The following ANKRD55 variants were observed in gnomAD, a reference collection of about 807,000 sequenced individuals.
ANKRD55 encodes ankyrin repeat domain 55.
Under a neutral mutation model 60.6 loss-of-function variants are expected in ANKRD55, and 41 were observed. That is an observed-to-expected ratio of 0.68 (90% CI 0.53 to 0.88). The LOEUF is 0.88. Among genes scored for constraint, ANKRD55 ranks in the 40% least tolerant of loss-of-function variants. The pLI, the probability that ANKRD55 is intolerant of heterozygous loss-of-function variation, is 0.00. For synonymous variants in ANKRD55, 264 were observed against 290.3 expected (o/e 0.91, Z 0.92); for missense variants, 732 against 767.6 (o/e 0.95, Z 0.55).
intron 2 of ANKRD55, among the ~76,000 whole-genome samples, chr5:56,200,535 G>T (rs576151089): frequency 3.2e-4 from 48 of 152,212 alleles, no homozygotes; most frequent in African/African-American, 1.1e-3. Context: ...TTAGATTAGA[G>T]GACCTTCCTT....
At chr5:56,134,953 A>C (rs1008006906) in intron 7 of ANKRD55, among the ~76,000 whole-genome samples, 2 of 152,226 alleles carry the variant, frequency 1.3e-5, no homozygotes, top group Admixed American at 1.3e-4. Context: ...ACATTTTCAA[A>C]TCAATTAATG....
chr5:56,187,077 C>A (rs954824078), intron 2 of ANKRD55, among the ~76,000 whole-genome samples: 1 of 152,192 alleles, frequency 6.6e-6, no homozygotes, highest in Non-Finnish European at 1.5e-5. Flanking sequence ...ACAATGAATG[C>A]ATTGCCTGAT....
chr5:56,121,479 TCTC>T (rs1274866795), intron 8 of ANKRD55, among the ~76,000 whole-genome samples: 2 of 151,240 alleles, frequency 1.3e-5, no homozygotes, highest in Admixed American at 6.6e-5. Context: ...TTCAAGCGAT[TCTC>T]CTGCCTCAGC....
In ANKRD55 at chr5:56,143,806, C is replaced by G; in HGVS notation, c.607G>C (p.Val203Leu). The change falls in exon 7 of 12, where the codon GTC becomes CTC. Residue 203 changes from valine to leucine, a missense_variant. This residue lies in a region of ANKRD55 where 597 missense variants were observed against 607.5 expected (regional missense o/e 0.98). Coordinates refer to ENST00000341048, the MANE Select transcript of ANKRD55 (RefSeq NM_024669.3). ...KDFKTALHWAVQSGNRILCSI... is the reference protein window; with the variant it reads ...KDFKTALHWALQSGNRILCSI... ...TCCACAGGTCAATTTCTCACCTGGA[C>G]TGCCCAGTGGAGAGCGGTTTTAAAG... is the stretch of plus-strand genomic sequence containing the variant. 6.2e-7 allele frequency: 1 copy of G among 1,614,162 alleles called. No homozygotes were observed. The highest frequency in any genetic ancestry group is 8.5e-7 in the Non-Finnish European group (1 of 1,180,006).
At chr5:56,173,580 CTCTATATATATATA>C (rs1266778928) in intron 4 of ANKRD55, among the ~76,000 whole-genome samples, 1 of 59,770 alleles carries the variant, frequency 1.7e-5, no homozygotes, top group Non-Finnish European at 3.0e-5. Flanking sequence ...CTCTCTCTCT[CTCTATATATATATA>C]TATATATATA....
rs75039487 is a variant in ANKRD55, at chr5:56,116,139, G to A, written c.965+476C>T. On this transcript the variant is annotated intron_variant, in intron 9 of 11. Coordinates refer to ENST00000341048, the MANE Select transcript of ANKRD55 (RefSeq NM_024669.3). ...CAAAGTGCTGGGATTACAGGCATGAGCCACCGCACCTGGCCGCTCGGTTTT... is the reference window on the plus strand; with the variant it reads ...CAAAGTGCTGGGATTACAGGCATGAACCACCGCACCTGGCCGCTCGGTTTT... 7.3e-3 allele frequency among the ~76,000 whole-genome samples: 1,111 copies of A among 152,302 alleles called. 10 individuals are homozygous for A. The highest frequency in any genetic ancestry group is 0.026 in the African/African-American group (1,061 of 41,560).
intron 2 of ANKRD55, among the ~76,000 whole-genome samples, chr5:56,216,377 G>A (rs1233611125): frequency 6.6e-6 from 1 of 152,034 alleles, no homozygotes; most frequent in African/African-American, 2.4e-5. Context: ...ATTGAAATTA[G>A]GCCAACTAAT....
intron 2 of ANKRD55, among the ~76,000 whole-genome samples, chr5:56,224,240 G>T (rs1760047419): frequency 6.6e-6 from 1 of 151,420 alleles, no homozygotes; most frequent in South Asian, 2.1e-4. Context: ...AATGACTACT[G>T]GGTACATAAT....
chr5:56,166,185 CCTTCCTTCCTTCCT>C (rs1758473955), intron 5 of ANKRD55, among the ~76,000 whole-genome samples: 4 of 117,118 alleles, frequency 3.4e-5, no homozygotes, highest in Non-Finnish European at 6.6e-5. Context: ...TTCCTTCCTT[CCTTCCTTCCTTCCT>C]TCTCTCTCTC....
intron 2 of ANKRD55, among the ~76,000 whole-genome samples, chr5:56,209,348 G>A (rs1486676657): frequency 6.6e-6 from 1 of 152,080 alleles, no homozygotes; most frequent in Non-Finnish European, 1.5e-5. Flanking sequence ...CCATGGACTG[G>A]ACTCAGCATT....
At chr5:56,186,702 T>C (rs986120782) in intron 2 of ANKRD55, among the ~76,000 whole-genome samples, 1 of 152,202 alleles carries the variant, frequency 6.6e-6, no homozygotes, top group African/African-American at 2.4e-5. Flanking sequence ...TTGTTGATGA[T>C]GATTAGACAA....
At chr5:56,128,390 A>G (rs945591770) in intron 7 of ANKRD55, among the ~76,000 whole-genome samples, 2 of 152,152 alleles carry the variant, frequency 1.3e-5, no homozygotes, top group Non-Finnish European at 2.9e-5. Context: ...TGGAAGTGGT[A>G]AACTGAAATA....
chr5:56,123,026 A>G (rs551440334), intron 8 of ANKRD55, among the ~76,000 whole-genome samples: 82 of 152,180 alleles, frequency 5.4e-4, no homozygotes, highest in Non-Finnish European at 1.9e-4. Context: ...TCAGCCTCCC[A>G]AAGTGCTGGG....
chr5:56,166,197 CCT>C lies in ANKRD55; in HGVS notation c.422+4495_422+4496del, dbSNP rs367854561. Among the ~76,000 whole-genome samples the C allele has an allele frequency of 7.9e-3, 741 of 93,632 alleles. 57 individuals are homozygous for C. Among genetic ancestry groups the C allele is most frequent in the African/African-American group, 0.027 (563 of 20,766 alleles). 61.4% of individuals were successfully genotyped at this position (93,632 alleles called of 152,430 possible). On this transcript the variant is annotated intron_variant, in intron 5 of 11. Coordinates refer to ENST00000341048, the MANE Select transcript of ANKRD55 (RefSeq NM_024669.3). ...TCCTTCCTTCCTTCCTTCCTTCCTTCCTTCTCTCTCTCTCTCTCTCTTTCTTT... is the reference window on the plus strand; with the variant it reads ...TCCTTCCTTCCTTCCTTCCTTCCTTCTCTCTCTCTCTCTCTCTCTTTCTTT...
At chr5:56,123,646 A>G (rs1757145983) in intron 8 of ANKRD55, among the ~76,000 whole-genome samples, 1 of 152,114 alleles carries the variant, frequency 6.6e-6, no homozygotes, top group African/African-American at 2.4e-5. Flanking sequence ...CAGGCTTACC[A>G]ACATGTGATG....
At chr5:56,207,444 A>G (rs1759539778) in intron 2 of ANKRD55, among the ~76,000 whole-genome samples, 2 of 152,222 alleles carry the variant, frequency 1.3e-5, no homozygotes, top group African/African-American at 2.4e-5. Flanking sequence ...ACTTAATGCC[A>G]GGGATAGTTC....
At chr5:56,223,751 T>A (rs1211604665) in intron 2 of ANKRD55, among the ~76,000 whole-genome samples, 1 of 152,142 alleles carries the variant, frequency 6.6e-6, no homozygotes, top group Non-Finnish European at 1.5e-5. Flanking sequence ...AGAAGGCCAT[T>A]ACATAATGAT....
At chr5:56,129,202 G>C (rs1288914400) in intron 7 of ANKRD55, among the ~76,000 whole-genome samples, 1 of 152,148 alleles carries the variant, frequency 6.6e-6, no homozygotes, top group African/African-American at 2.4e-5. Context: ...AAGTCACAGA[G>C]ACCAGGAGAC....
chr5:56,125,289 TTTTTTC>T (rs1340332986), intron 8 of ANKRD55, among the ~76,000 whole-genome samples: 3 of 152,220 alleles, frequency 2.0e-5, no homozygotes, highest in Admixed American at 1.3e-4. Flanking sequence ...TTTTCTTTTT[TTTTTTC>T]AGACAGAGTC....
Sources: allele counts gnomAD v4.1 joint callset (sites outside exome capture counted in the v4.1 genomes callset), GRCh38; gene constraint gnomAD v4.1.1; regional missense constraint gnomAD v4.1.1; transcripts MANE v1.5; gene names NCBI Gene and HGNC (gene_info 2026-07-23, HGNC 2026-07-21).